Variants in MYO1H observed in about 807,000 individuals in gnomAD.
MYO1H encodes the protein myosin IH, also known as unconventional myosin-Ih.
A neutral mutation model predicts 149.3 loss-of-function variants in MYO1H; 118 were observed. That is an observed-to-expected ratio of 0.79 (90% confidence interval 0.68 to 0.92). The LOEUF is 0.92. Ranked by LOEUF, MYO1H falls within the 40% of genes least tolerant of loss-of-function variation. MYO1H has a pLI of 0.00. For missense variants in MYO1H, 1,212 were observed against 1,280.7 expected (o/e 0.95, Z 0.82); for synonymous variants, 447 against 465.2 (o/e 0.96, Z 0.50).
chr12:109,328,649 A>G, the MYO1H span, among the ~76,000 whole-genome samples: 1 of 152,188 alleles, frequency 6.6e-6, no homozygotes, highest in Non-Finnish European at 1.5e-5. Context: ...TAACATTGAA[A>G]CTATAAAAAG....
the MYO1H span, among the ~76,000 whole-genome samples, chr12:109,324,811 A>C: frequency 6.6e-6 from 1 of 151,826 alleles, no homozygotes; most frequent in Non-Finnish European, 1.5e-5. Flanking sequence ...CATCCAACCC[A>C]TCATCTAGGT....
intron 1 of MYO1H, among the ~76,000 whole-genome samples, chr12:109,385,700 G>A (rs1869290681): frequency 1.3e-5 from 2 of 152,060 alleles, no homozygotes; most frequent in Non-Finnish European, 1.5e-5. Context: ...GAGACATCTG[G>A]TGGCCATTCT....
intron 7 of MYO1H, among the ~76,000 whole-genome samples, chr12:109,404,382 G>A (rs1246103185): frequency 1.3e-5 from 2 of 152,140 alleles, no homozygotes; most frequent in Admixed American, 1.3e-4. Context: ...CTCCGGAGAC[G>A]GAGGCAGGAG....
At position 109,442,284 on chromosome 12, in the gene MYO1H, T is replaced by G; in HGVS notation, c.2688+12T>G. 1 of 1,612,494 alleles carries G rather than the reference T, an allele frequency of 6.2e-7. No individual in the cohort carries two copies. Among genetic ancestry groups the G allele is most frequent in the South Asian group, 1.1e-5 (1 of 91,040 alleles). On this transcript the variant is annotated intron_variant, in intron 27 of 31. Transcript: ENST00000310903. Reference sequence around the variant, plus strand: ...ATGAGAAAATCCAGGTAAGGCGATGTGTGTCCTCAGTCTCAAACAGGATTC... The same window carrying G: ...ATGAGAAAATCCAGGTAAGGCGATGGGTGTCCTCAGTCTCAAACAGGATTC...
chr12:109,388,498 T>C (rs571691716), intron 1 of MYO1H, among the ~76,000 whole-genome samples, 185 bp from the exon 2 acceptor site: 12 of 152,328 alleles, frequency 7.9e-5, no homozygotes, highest in African/African-American at 2.6e-4. Context: ...GCTGCTGCTA[T>C]TCCTATTTTT....
chr12:109,439,462 G>T lies in MYO1H; in HGVS notation c.2295-169G>T, dbSNP rs867432714. On this transcript the variant is annotated intron_variant, in intron 23 of 31. Coordinates refer to ENST00000310903, the Ensembl canonical transcript of MYO1H. ...GCTCCTCAAAACAAAACAAAAGGCC[G>T]TGTGGGTGAAATCGAACATATATGT... 4.0e-5 allele frequency: 17 copies of T among 428,552 alleles called. No individual in the cohort carries two copies. The East Asian group carries it at 5.9e-4, about 15-fold the overall frequency. 26.5% of individuals were successfully genotyped at this position (428,552 alleles called of 1,614,324 possible). A position where few individuals can be genotyped will look rare whatever the true frequency, so the allele number is the denominator to read the frequency against.
chr12:109,357,684 T>C (rs113739553), intron 1 of MYO1H, among the ~76,000 whole-genome samples: 24 of 147,336 alleles, frequency 1.6e-4, no homozygotes, highest in African/African-American at 5.9e-4. Context: ...TGCCATGAAA[T>C]ACTATTCTCT....
At chr12:109,312,797 T>G in the MYO1H span, among the ~76,000 whole-genome samples, 2,582 of 151,872 alleles carry the variant, frequency 0.017, 67 homozygotes, top group African/African-American at 0.056. Flanking sequence ...TTTGTTTTTT[T>G]TTTTTTTAAC....
chr12:109,319,969 T>C, the MYO1H span, among the ~76,000 whole-genome samples: 1 of 152,148 alleles, frequency 6.6e-6, no homozygotes, highest in African/African-American at 2.4e-5. Flanking sequence ...GGCTAGACTT[T>C]CATTGTCTAA....
the MYO1H span, among the ~76,000 whole-genome samples, chr12:109,333,962 A>G: frequency 1.3e-5 from 2 of 151,628 alleles, no homozygotes; most frequent in African/African-American, 4.8e-5. Context: ...TTACTTATAT[A>G]TTTACTTATT....
intron 1 of MYO1H, among the ~76,000 whole-genome samples, chr12:109,355,110 G>A (rs1356588296): frequency 6.6e-6 from 1 of 152,180 alleles, no homozygotes; most frequent in East Asian, 1.9e-4. Flanking sequence ...CCTGGTAGCC[G>A]GAGCTGGCAG....
exon 32 of MYO1H, chr12:109,447,585 A>C: frequency 4.6e-6 from 1 of 217,502 alleles, no homozygotes. Flanking sequence ...TGTTGATAAG[A>C]CATCTGATTC....
At chr12:109,318,031 G>T in the MYO1H span, among the ~76,000 whole-genome samples, 11 of 152,160 alleles carry the variant, frequency 7.2e-5, no homozygotes, top group Non-Finnish European at 1.2e-4. Context: ...GAAAAAGTCT[G>T]TTCTGTCAGG....
At chr12:109,329,401 T>G in the MYO1H span, among the ~76,000 whole-genome samples, 1 of 152,158 alleles carries the variant, frequency 6.6e-6, no homozygotes, top group Non-Finnish European at 1.5e-5. Flanking sequence ...GAACCTTGCC[T>G]TAGGTAGGGT....
chr12:109,384,614 G>A (rs1869266478), intron 1 of MYO1H, among the ~76,000 whole-genome samples: 1 of 152,212 alleles, frequency 6.6e-6, no homozygotes, highest in Non-Finnish European at 1.5e-5. Flanking sequence ...CGAGGTGTCA[G>A]AACTGAAATA....
chr12:109,371,324 T>C (rs1250531880), intron 1 of MYO1H, among the ~76,000 whole-genome samples: 1 of 151,474 alleles, frequency 6.6e-6, no homozygotes, highest in Non-Finnish European at 1.5e-5. Flanking sequence ...TCAGATGATC[T>C]TCCTACCTTG....
chr12:109,443,387 CACACACAT>C lies in MYO1H; in HGVS notation c.2689-122_2689-115del, dbSNP rs999815180. On this transcript the variant is annotated intron_variant, in intron 27 of 31. Coordinates refer to ENST00000310903, the Ensembl canonical transcript of MYO1H. ...ACACACACACACACACACACACACA[CACACACAT>C]ACACGCAAAATCTGTTTGAGCTTTT... The C allele has an allele frequency of 1.2e-4, 90 of 750,120 alleles. 2 individuals carry two copies. Among genetic ancestry groups the C allele is most frequent in the South Asian group, 5.3e-4 (29 of 55,002 alleles). The allele number at this position is 750,120 out of a possible 1,614,324, so 46.5% of individuals were successfully genotyped here.
At chr12:109,437,240 A>G (rs900289900) in intron 22 of MYO1H, among the ~76,000 whole-genome samples, 1 of 152,158 alleles carries the variant, frequency 6.6e-6, no homozygotes, top group African/African-American at 2.4e-5. Flanking sequence ...CTTGAGAGTA[A>G]CCACTCTCTT....
At chr12:109,325,638 AG>A in the MYO1H span, among the ~76,000 whole-genome samples, 1 of 152,224 alleles carries the variant, frequency 6.6e-6, no homozygotes, top group South Asian at 2.1e-4. Context: ...CAGAGTAAAC[AG>A]GCAACCTACA....
Sources: allele counts gnomAD v4.1 joint callset (sites outside exome capture counted in the v4.1 genomes callset), GRCh38; gene constraint gnomAD v4.1.1; transcripts MANE v1.5; gene names NCBI Gene and HGNC (gene_info 2026-07-23, HGNC 2026-07-21).